The following OCA2 variants were observed in gnomAD, a reference collection of about 807,000 sequenced individuals.
The protein encoded by OCA2 is P protein.
OCA2 carries 77 observed loss-of-function variants against 100.2 expected under a neutral mutation model. That is an observed-to-expected ratio of 0.77 (90% CI 0.64 to 0.93). The LOEUF (loss-of-function observed/expected upper bound fraction) is 0.93, where lower values mean the gene tolerates loss of function less well. OCA2 is among the 40% of genes least tolerant of loss of function. OCA2 has a pLI of 0.00. For missense variants in OCA2, 1,062 were observed against 1,089.1 expected (o/e 0.98, Z 0.35); for synonymous variants, 432 against 439.2 (o/e 0.98, Z 0.21).
At chr15:27,850,129 T>A (rs879689410) in intron 22 of OCA2, among the ~76,000 whole-genome samples, 16 of 152,210 alleles carry the variant, frequency 1.1e-4, no homozygotes, top group Admixed American at 2.0e-4. Context: ...TGATCCTACA[T>A]GTTTTGGGGA....
intron 2 of OCA2, among the ~76,000 whole-genome samples, chr15:28,060,935 C>T (rs1595893654): frequency 6.6e-6 from 1 of 152,200 alleles, no homozygotes; most frequent in Non-Finnish European, 1.5e-5. Flanking sequence ...GCTCAGAGCT[C>T]CAGAGGTGAA....
chr15:27,904,004 G>A (rs574334540), intron 19 of OCA2, among the ~76,000 whole-genome samples: 11 of 152,264 alleles, frequency 7.2e-5, no homozygotes, highest in African/African-American at 2.2e-4. Flanking sequence ...GCAGTGTGCT[G>A]GCTATTTGTC....
chr15:28,090,224 G>A (rs552148157), intron 1 of OCA2, among the ~76,000 whole-genome samples: 8 of 152,212 alleles, frequency 5.3e-5, no homozygotes, highest in Non-Finnish European at 8.8e-5. Flanking sequence ...GAACTAAAAG[G>A]AGAAAGACAC....
intron 2 of OCA2, among the ~76,000 whole-genome samples, chr15:28,064,873 A>C (rs908430520): frequency 6.7e-6 from 1 of 148,760 alleles, no homozygotes; most frequent in Admixed American, 7.1e-5. Flanking sequence ...TTTTATTATT[A>C]TTGTTGTTGA....
chr15:27,741,686 G>T, the OCA2 span, among the ~76,000 whole-genome samples: 1 of 152,174 alleles, frequency 6.6e-6, no homozygotes, highest in South Asian at 2.1e-4. Context: ...TAAGTCGCAT[G>T]GGAAAGGGTG....
chr15:27,829,568 C>T (rs2034873735), intron 23 of OCA2, among the ~76,000 whole-genome samples: 1 of 152,212 alleles, frequency 6.6e-6, no homozygotes, highest in Non-Finnish European at 1.5e-5. Context: ...GGGCTGGCTT[C>T]AGCATCCACA....
intron 21 of OCA2, among the ~76,000 whole-genome samples, chr15:27,855,178 G>A (rs1193728049): frequency 2.6e-5 from 4 of 152,166 alleles, no homozygotes; most frequent in Non-Finnish European, 5.9e-5. Context: ...CAACTCTGTG[G>A]CCTGTCCTCC....
chr15:27,963,146 G>T (rs2040460824), intron 15 of OCA2, among the ~76,000 whole-genome samples: 1 of 152,038 alleles, frequency 6.6e-6, no homozygotes, highest in South Asian at 2.1e-4. Flanking sequence ...CAAAATAATA[G>T]AATTACAAAG....
At chr15:28,000,132 A>G (rs994736281) in intron 9 of OCA2, among the ~76,000 whole-genome samples, 1 of 152,204 alleles carries the variant, frequency 6.6e-6, no homozygotes, top group Non-Finnish European at 1.5e-5. Context: ...ATATGGAACC[A>G]CAGAAGACCC....
At chr15:27,966,375 A>G (rs2040566375) in intron 15 of OCA2, among the ~76,000 whole-genome samples, 1 of 152,204 alleles carries the variant, frequency 6.6e-6, no homozygotes, top group Admixed American at 6.5e-5. Flanking sequence ...ATACACTATT[A>G]GAGCACTGCA....
At chr15:28,034,430 G>A (rs2042990810) in intron 2 of OCA2, among the ~76,000 whole-genome samples, 1 of 152,182 alleles carries the variant, frequency 6.6e-6, no homozygotes, top group South Asian at 2.1e-4. Flanking sequence ...TTTTCATCTT[G>A]TTTTATTTGG....
At chr15:27,882,233 C>A (rs1567057363) in intron 19 of OCA2, among the ~76,000 whole-genome samples, 1 of 152,144 alleles carries the variant, frequency 6.6e-6, no homozygotes, top group South Asian at 2.1e-4. Context: ...GCTGCATGAG[C>A]TCTGGCAATG....
In OCA2 at chr15:27,986,372, CCTT is replaced by C. The variant is rs140203728; in HGVS notation, c.1239+212_1239+214del. On this transcript the variant is annotated intron_variant, in intron 12 of 23. Transcript: ENST00000354638. ...ACCTGAGTACCCTTTTCCTTGACCT[CCTT>C]CTTCATTTATTTACTGAGCAGCTGA... is the stretch of plus-strand genomic sequence containing the variant. 2.8e-3 allele frequency among the ~76,000 whole-genome samples: 421 copies of C among 152,268 alleles called. 2 individuals carry two copies. The highest frequency in any genetic ancestry group is 9.7e-3 in the African/African-American group (401 of 41,538).
rs187295297 is a variant in OCA2 at position 28,054,813 on chromosome 15, C to T, written c.228-22650G>A. ...GAGGTTTAATTGACTCACAGTTCCACATGGCTGGGAAGGCCTCAGAAAATT... is the reference window on the plus strand; with the variant it reads ...GAGGTTTAATTGACTCACAGTTCCATATGGCTGGGAAGGCCTCAGAAAATT... On this transcript the variant is annotated intron_variant, in intron 2 of 23. Transcript: ENST00000354638. 2.6e-5 allele frequency among the ~76,000 whole-genome samples: 4 copies of T among 152,320 alleles called. No individual in the cohort carries two copies. In the East Asian group the frequency reaches 5.8e-4, roughly 22 times the overall value.
chr15:27,966,642 A>C (rs1415431985), intron 15 of OCA2, 48 bp downstream of exon 15: 1 of 1,607,944 alleles, frequency 6.2e-7, no homozygotes, highest in Admixed American at 1.7e-5. Flanking sequence ...AACAAACAAT[A>C]TTATGGTCAT....
At chr15:27,755,502 A>G in intron 23 of OCA2, 30 bp from the exon 24 acceptor site, 2 of 1,541,686 alleles carry the variant, frequency 1.3e-6, no homozygotes, top group Non-Finnish European at 1.8e-6. Flanking sequence ...GAGTTATGGC[A>G]TCTGAAATCT....
intron 19 of OCA2, among the ~76,000 whole-genome samples, chr15:27,890,951 G>T (rs2037432898): frequency 6.6e-6 from 1 of 151,900 alleles, no homozygotes; most frequent in African/African-American, 2.4e-5. Context: ...CTTGAACCTG[G>T]GAGGCAGAGG....
At chr15:28,005,667 C>G (rs2042070719) in intron 9 of OCA2, among the ~76,000 whole-genome samples, 1 of 152,130 alleles carries the variant, frequency 6.6e-6, no homozygotes, top group South Asian at 2.1e-4. Context: ...TGGGAGGGCT[C>G]TCCATTTGTA....
intron 21 of OCA2, among the ~76,000 whole-genome samples, chr15:27,861,867 A>G (rs2036144695): frequency 6.6e-6 from 1 of 152,120 alleles, no homozygotes; most frequent in Non-Finnish European, 1.5e-5. Context: ...AATGATCAGC[A>G]GAGTGAAGAA....
Sources: gnomAD v4.1 joint callset for allele counts (sites outside exome capture counted in the v4.1 genomes callset) on GRCh38, gnomAD v4.1.1 for gene constraint, MANE v1.5 for transcripts, NCBI Gene and HGNC (gene_info 2026-07-23, HGNC 2026-07-21) for gene names.